The following OR1B1 variants were observed in gnomAD, a reference collection of about 807,000 sequenced individuals.
OR1B1 encodes olfactory receptor 1B1.
For synonymous variants in OR1B1, 168 were observed against 156.2 expected (o/e 1.08, Z -0.57); for missense variants, 414 against 402.1 (o/e 1.03, Z -0.25).
At chr9:122,628,338 GATAAA>G (rs1564218175), downstream of OR1B1, among the ~76,000 whole-genome samples, 2 of 152,090 alleles carry the variant, frequency 1.3e-5, no homozygotes, top group Non-Finnish European at 2.9e-5. Context: ...CATCCACTTT[GATAAA>G]ATAAAAGGCC....
upstream of OR1B1, among the ~76,000 whole-genome samples, chr9:122,633,010 C>A (rs1830220627): frequency 1.3e-5 from 2 of 152,084 alleles, no homozygotes; most frequent in Admixed American, 1.3e-4. Flanking sequence ...GGGAAACTCC[C>A]CTTTATAAAA....
chr9:122,649,444 C>T, the OR1B1 span, among the ~76,000 whole-genome samples: 3 of 152,144 alleles, frequency 2.0e-5, no homozygotes, highest in Non-Finnish European at 2.9e-5. Context: ...GCAAAAGAAA[C>T]TATCATCAGA....
chr9:122,653,007 CAA>C, the OR1B1 span, among the ~76,000 whole-genome samples: 1 of 152,098 alleles, frequency 6.6e-6, no homozygotes, highest in Non-Finnish European at 1.5e-5. Flanking sequence ...TTACTGTGCT[CAA>C]AGTAACCAGG....
the OR1B1 span, among the ~76,000 whole-genome samples, chr9:122,640,367 G>C: frequency 6.6e-6 from 1 of 152,114 alleles, no homozygotes; most frequent in East Asian, 1.9e-4. Context: ...CTAGATCCTG[G>C]TCATGATCAA....
chr9:122,630,694 G>GT (rs869173591), upstream of OR1B1, among the ~76,000 whole-genome samples: 4 of 135,602 alleles, frequency 2.9e-5, no homozygotes, highest in Admixed American at 7.1e-5. Context: ...CCTATCCAGG[G>GT]TTTTTTTGTT....
At chr9:122,639,646 G>A in the OR1B1 span, 1 of 151,324 alleles carries the variant, frequency 6.6e-6, no homozygotes. Flanking sequence ...CAAAGTTGTT[G>A]GAAGAATTAA....
chr9:122,654,059 T>C, the OR1B1 span, among the ~76,000 whole-genome samples: 2 of 152,166 alleles, frequency 1.3e-5, no homozygotes, highest in Admixed American at 6.5e-5. Flanking sequence ...CCATACTCTA[T>C]GTATTTTTTA....
At chr9:122,636,146 G>C in the OR1B1 span, among the ~76,000 whole-genome samples, 2 of 152,262 alleles carry the variant, frequency 1.3e-5, no homozygotes, top group Middle Eastern at 6.8e-3. Flanking sequence ...GTTTCTACTT[G>C]GAGACTTCAC....
the OR1B1 span, among the ~76,000 whole-genome samples, chr9:122,655,674 A>G: frequency 8.9e-6 from 1 of 111,746 alleles, no homozygotes; most frequent in African/African-American, 3.5e-5. Context: ...AATGACACAT[A>G]CTGGGGCCTG....
chr9:122,649,387 C>T, the OR1B1 span, among the ~76,000 whole-genome samples: 1 of 152,180 alleles, frequency 6.6e-6, no homozygotes, highest in South Asian at 2.1e-4. Flanking sequence ...GCAACAAAAG[C>T]CAAAATTGAC....
upstream of OR1B1, among the ~76,000 whole-genome samples, chr9:122,633,093 A>G (rs1359794155): frequency 2.6e-5 from 4 of 152,020 alleles, no homozygotes; most frequent in Admixed American, 1.3e-4. Context: ...TGATTCAATT[A>G]CCTCCCACCA....
At chr9:122,637,516 C>A in the OR1B1 span, among the ~76,000 whole-genome samples, 3 of 152,150 alleles carry the variant, frequency 2.0e-5, no homozygotes, top group African/African-American at 7.2e-5. Flanking sequence ...CATGTACCAT[C>A]CTTGGGTCCA....
chr9:122,647,291 AT>A, the OR1B1 span, among the ~76,000 whole-genome samples: 7 of 152,194 alleles, frequency 4.6e-5, no homozygotes, highest in African/African-American at 1.7e-4. Flanking sequence ...AACAGGAGGA[AT>A]TTTGGAAACT....
chr9:122,628,242 T>G (rs1389118695), downstream of OR1B1, among the ~76,000 whole-genome samples: 1 of 152,190 alleles, frequency 6.6e-6, no homozygotes, highest in Admixed American at 6.5e-5. Flanking sequence ...CTACTGCTCT[T>G]CGTTTAGTTC....
At chr9:122,640,660 T>A in the OR1B1 span, among the ~76,000 whole-genome samples, 1 of 152,140 alleles carries the variant, frequency 6.6e-6, no homozygotes, top group Admixed American at 6.6e-5. Flanking sequence ...AAAGCACAAC[T>A]GTTATTTTAA....
At chr9:122,647,444 A>G in the OR1B1 span, among the ~76,000 whole-genome samples, 1 of 152,210 alleles carries the variant, frequency 6.6e-6, no homozygotes, top group Non-Finnish European at 1.5e-5. Flanking sequence ...GCATACATCA[A>G]AAAAGAGGAA....
At chr9:122,633,295 C>T (rs969837796), upstream of OR1B1, among the ~76,000 whole-genome samples, 1 of 152,162 alleles carries the variant, frequency 6.6e-6, no homozygotes, top group Non-Finnish European at 1.5e-5. Context: ...TTCACTAAAT[C>T]AACTCAAAAT....
chr9:122,638,988 A>G, the OR1B1 span, among the ~76,000 whole-genome samples: 1 of 152,188 alleles, frequency 6.6e-6, no homozygotes, highest in Non-Finnish European at 1.5e-5. Context: ...TTTATGCTAC[A>G]CTACAGTGGT....
chr9:122,648,968 G>C, the OR1B1 span, among the ~76,000 whole-genome samples: 3 of 152,096 alleles, frequency 2.0e-5, no homozygotes, highest in Non-Finnish European at 2.9e-5. Context: ...AAAGAACAAA[G>C]CTGGAGGCAT....
Sources: allele counts gnomAD v4.1 joint callset (sites outside exome capture counted in the v4.1 genomes callset), GRCh38; gene constraint gnomAD v4.1.1; transcripts MANE v1.5; gene names NCBI Gene and HGNC (gene_info 2026-07-23, HGNC 2026-07-21).